Variants in DCLK2 observed in about 807,000 individuals in gnomAD.
DCLK2 encodes doublecortin like kinase 2, also known as serine/threonine-protein kinase DCLK2.
Under a neutral mutation model 78.4 loss-of-function variants are expected in DCLK2, and 31 were observed. The ratio of observed to expected loss-of-function variants is 0.40; its 90% CI spans 0.30 to 0.53. The LOEUF (loss-of-function observed/expected upper bound fraction) is 0.53, where lower values mean the gene tolerates loss of function less well. DCLK2 is among the 20% of genes least tolerant of loss of function. The pLI is 0.61. For synonymous variants in DCLK2, 407 were observed against 374.9 expected (o/e 1.09, Z -0.99); for missense variants, 872 against 973.7 (o/e 0.90, Z 1.39).
intron 1 of DCLK2, among the ~76,000 whole-genome samples, chr4:150,093,713 C>T (rs1174789816): frequency 6.6e-6 from 1 of 152,114 alleles, no homozygotes; most frequent in Non-Finnish European, 1.5e-5. Context: ...GAAAAACAAC[C>T]TAAGATTCAT....
intron 7 of DCLK2, among the ~76,000 whole-genome samples, chr4:150,222,003 T>TATTTA (rs1553971359): frequency 2.0e-5 from 3 of 151,524 alleles, no homozygotes; most frequent in African/African-American, 7.3e-5. Flanking sequence ...TTTATTTATT[T>TATTTA]AAAAAAAAGG....
At chr4:150,079,551 C>A in intron 1 of DCLK2, 103 bp downstream of exon 1, 1 of 1,193,780 alleles carries the variant, frequency 8.4e-7, no homozygotes, top group Non-Finnish European at 1.1e-6. Context: ...TTCCAAGCCG[C>A]ACGGGAATTG....
chr4:150,108,712 G>A (rs909785323), intron 2 of DCLK2, among the ~76,000 whole-genome samples: 1 of 151,938 alleles, frequency 6.6e-6, no homozygotes, highest in African/African-American at 2.4e-5. Flanking sequence ...GTATTCTGTT[G>A]AGAGATGAAA....
intron 2 of DCLK2, among the ~76,000 whole-genome samples, chr4:150,160,253 A>G (rs2150242974): frequency 6.6e-6 from 1 of 152,280 alleles, no homozygotes; most frequent in Middle Eastern, 3.4e-3. Context: ...CCTGAGCTCA[A>G]GCAATCCACC....
At chr4:150,240,879 T>C (rs1057476684) in intron 12 of DCLK2, among the ~76,000 whole-genome samples, 4 of 152,182 alleles carry the variant, frequency 2.6e-5, no homozygotes, top group African/African-American at 9.7e-5. Flanking sequence ...GGTGAAGGCC[T>C]TTGCTTTGTG....
chr4:150,126,311 G>T (rs1168793699), intron 2 of DCLK2, among the ~76,000 whole-genome samples: 2 of 152,202 alleles, frequency 1.3e-5, no homozygotes, highest in African/African-American at 4.8e-5. Flanking sequence ...GTAAGACAAG[G>T]TCTCTGTATT....
At chr4:150,088,809 A>C (rs532476951) in intron 1 of DCLK2, among the ~76,000 whole-genome samples, 1 of 152,292 alleles carries the variant, frequency 6.6e-6, no homozygotes, top group Admixed American at 6.5e-5. Context: ...AAGGGGAAAA[A>C]AAGATCATTC....
intron 12 of DCLK2, among the ~76,000 whole-genome samples, chr4:150,241,860 C>T (rs2126606160): frequency 6.6e-6 from 1 of 152,256 alleles, no homozygotes; most frequent in African/African-American, 2.4e-5. Context: ...CATGAGAGCT[C>T]CACCCTTAAC....
At chr4:150,217,797 T>G (rs1449791517) in intron 5 of DCLK2, among the ~76,000 whole-genome samples, 1 of 152,230 alleles carries the variant, frequency 6.6e-6, no homozygotes, top group African/African-American at 2.4e-5. Context: ...GAAAGGCTTA[T>G]TTTCAAATAA....
chr4:150,210,343 G>A (rs1232515961), intron 5 of DCLK2, among the ~76,000 whole-genome samples: 1 of 152,124 alleles, frequency 6.6e-6, no homozygotes, highest in Non-Finnish European at 1.5e-5. Flanking sequence ...AAACTAACAT[G>A]CAGTAGCGTA....
intron 1 of DCLK2, among the ~76,000 whole-genome samples, chr4:150,085,389 C>T (rs1729569332): frequency 6.6e-6 from 1 of 152,042 alleles, no homozygotes; most frequent in Admixed American, 6.6e-5. Context: ...GAGGGTCATC[C>T]CATGGTGGAA....
At position 150,247,602 on chromosome 4, in the gene DCLK2, G is replaced by A. The variant is rs757386866; in HGVS notation, c.1779-1G>A. 1 of 1,613,774 alleles carries A rather than the reference G, an allele frequency of 6.2e-7. No homozygotes were observed. Among genetic ancestry groups the A allele is most frequent in the East Asian group, 2.2e-5 (1 of 44,884 alleles). On this transcript the variant is annotated splice_acceptor_variant, in intron 12 of 15. Coordinates refer to ENST00000296550, the MANE Select transcript of DCLK2 (RefSeq NM_001040260.4). LOFTEE classifies it high-confidence loss of function. ...CTTCCATTTCTTTGTCACTGGCTTA[G>A]TGAGAACAATCTCCAGGAAGATCTC...
At chr4:150,229,369 A>G (rs770420353) in intron 8 of DCLK2, among the ~76,000 whole-genome samples, 15 of 152,160 alleles carry the variant, frequency 9.9e-5, no homozygotes, top group Non-Finnish European at 1.9e-4. Flanking sequence ...AAGTCTAGGT[A>G]AGGGATTGGC....
chr4:150,170,170 C>A (rs1350215186), intron 2 of DCLK2, among the ~76,000 whole-genome samples: 1 of 152,184 alleles, frequency 6.6e-6, no homozygotes, highest in African/African-American at 2.4e-5. Flanking sequence ...TCTCCTGCCT[C>A]AGCCTCCCGA....
At chr4:150,224,706 T>G in intron 8 of DCLK2, 148 bp downstream of exon 8, 3 of 546,410 alleles carry the variant, frequency 5.5e-6, no homozygotes, top group Non-Finnish European at 9.2e-6. Context: ...GTTAAGCGGT[T>G]TTATTCCTGC....
intron 2 of DCLK2, among the ~76,000 whole-genome samples, chr4:150,111,001 G>GT (rs1455883181): frequency 6.6e-6 from 1 of 151,896 alleles, no homozygotes. Context: ...TAGATACCCA[G>GT]TAGTGAGGTT....
rs199794734 is a variant in DCLK2 at position 150,081,705 on chromosome 4, A to G, written c.421+2257A>G. Among the ~76,000 whole-genome samples, 14 of 152,042 alleles carry G rather than the reference A, an allele frequency of 9.2e-5. No individual in the cohort carries two copies. The East Asian group carries it at 2.7e-3, about 29-fold the overall frequency. On this transcript the variant is annotated intron_variant, in intron 1 of 15. Coordinates refer to ENST00000296550, the MANE Select transcript of DCLK2 (RefSeq NM_001040260.4). Reference sequence around the variant, plus strand: ...CATAGCAATGCAATTTTTTTTTTAAAGAAAATATAGGTACAATAGTTCACG... The same window carrying G: ...CATAGCAATGCAATTTTTTTTTTAAGGAAAATATAGGTACAATAGTTCACG...
chr4:150,078,599 T>TCCTC lies in DCLK2; in HGVS notation c.-426_-423dup, dbSNP rs1728987340. ...GCGCCCCGCCCCACCCTTCCTTCCT[T>TCCTC]CCTCCCCTCGGCGCTCCCGGGAGCG... On this transcript the variant is annotated 5_prime_UTR_variant, in exon 1 of 16. Coordinates refer to ENST00000296550, the MANE Select transcript of DCLK2 (RefSeq NM_001040260.4). 6.6e-6 allele frequency: 1 copy of TCCTC among 151,472 alleles called. No individual in the cohort carries two copies. Among genetic ancestry groups the TCCTC allele is most frequent in the Non-Finnish European group, 1.5e-5 (1 of 67,956 alleles). 9.4% of individuals were successfully genotyped at this position (151,472 alleles called of 1,614,324 possible). A position where few individuals can be genotyped will look rare whatever the true frequency, so the allele number is the denominator to read the frequency against.
chr4:150,102,481 A>T lies in DCLK2; in HGVS notation c.425A>T (p.Glu142Val). The change falls in exon 2 of 16, where the codon GAG (glutamate) becomes GTG (valine). Residue 142 changes from glutamate (E) to valine (V), a missense_variant. Glu to Val is a moderately radical substitution (Grantham distance 121, BLOSUM62 -2). This residue lies in a region of DCLK2 where 567 missense variants were observed against 593.4 expected (regional missense o/e 0.96). Transcript: ENST00000296550. The part of the protein sequence containing the change: ...VTSLDELLEG[E>V]SYVCASNEPF... ...AAAATCAAATTTTGCTTTTTAGGTGAGAGTTACGTGTGTGCATCCAATGAA... is the reference window on the plus strand; with the variant it reads ...AAAATCAAATTTTGCTTTTTAGGTGTGAGTTACGTGTGTGCATCCAATGAA... The T allele has an allele frequency of 1.9e-6, 3 of 1,606,450 alleles. No homozygotes were observed. Among genetic ancestry groups the T allele is most frequent in the Non-Finnish European group, 2.6e-6 (3 of 1,175,318 alleles).
Sources: gnomAD v4.1 joint callset for allele counts (sites outside exome capture counted in the v4.1 genomes callset) on GRCh38, gnomAD v4.1.1 for gene constraint, gnomAD v4.1.1 regional missense constraint, MANE v1.5 for transcripts, NCBI Gene and HGNC (gene_info 2026-07-23, HGNC 2026-07-21) for gene names.